The following FYN variants were observed in gnomAD, a reference collection of about 807,000 sequenced individuals.
FYN encodes the protein tyrosine-protein kinase Fyn.
Under a neutral mutation model 70.2 loss-of-function variants are expected in FYN, and 10 were observed. The ratio of observed to expected loss-of-function variants is 0.14; its 90% CI spans 0.09 to 0.24. The LOEUF is 0.24. FYN is among the 10% of genes least tolerant of loss of function. FYN has a pLI of 1.00. For missense variants in FYN, 319 were observed against 673.1 expected (o/e 0.47, Z 5.82); for synonymous variants, 236 against 248.6 (o/e 0.95, Z 0.48).
chr6:111,671,032 A>G (rs1228127070), intron 13 of FYN, among the ~76,000 whole-genome samples: 3 of 152,236 alleles, frequency 2.0e-5, no homozygotes, highest in East Asian at 3.8e-4. Context: ...GAATGCGTTC[A>G]GCTCAGGCTG....
chr6:111,673,569 G>A (rs1798393110), intron 13 of FYN, among the ~76,000 whole-genome samples: 1 of 148,862 alleles, frequency 6.7e-6, no homozygotes, highest in Non-Finnish European at 1.5e-5. Flanking sequence ...ACAAACCCAG[G>A]ATTTGCAAGA....
At chr6:111,808,296 G>A (rs1772215487) in intron 2 of FYN, among the ~76,000 whole-genome samples, 1 of 152,194 alleles carries the variant, frequency 6.6e-6, no homozygotes, top group African/African-American at 2.4e-5. Context: ...TTGCCAAGAA[G>A]TGAGCAGGGC....
intron 1 of FYN, among the ~76,000 whole-genome samples, chr6:111,860,428 C>A (rs1196858478): frequency 6.6e-6 from 1 of 152,094 alleles, no homozygotes; most frequent in Non-Finnish European, 1.5e-5. Context: ...TTCTGGATCT[C>A]AAGTGTGTGG....
At chr6:111,696,162 G>T in intron 10 of FYN, 115 bp downstream of exon 10, 1 of 892,418 alleles carries the variant, frequency 1.1e-6, no homozygotes, top group Non-Finnish European at 1.6e-6. Context: ...TTCCTAATGG[G>T]AATACTTGAC....
chr6:111,745,843 G>A (rs757322673), intron 3 of FYN, among the ~76,000 whole-genome samples: 6 of 152,162 alleles, frequency 3.9e-5, no homozygotes, highest in Non-Finnish European at 7.3e-5. Context: ...CAATACACTG[G>A]GGAGTGAATA....
At chr6:111,731,736 C>T (rs1454941668) in intron 3 of FYN, among the ~76,000 whole-genome samples, 3 of 152,066 alleles carry the variant, frequency 2.0e-5, no homozygotes, top group South Asian at 4.1e-4. Context: ...CTCAGGAGGA[C>T]GGGAACAAAA....
intron 1 of FYN, among the ~76,000 whole-genome samples, chr6:111,852,453 T>C (rs1005150978): frequency 6.6e-6 from 1 of 152,096 alleles, no homozygotes; most frequent in African/African-American, 2.4e-5. Context: ...GACAACCCTC[T>C]CAAGAAGAAC....
intron 1 of FYN, among the ~76,000 whole-genome samples, chr6:111,868,648 T>G (rs545579037): frequency 6.6e-6 from 1 of 152,290 alleles, no homozygotes; most frequent in African/African-American, 2.4e-5. Context: ...TTTAATATCA[T>G]CATTATATGT....
At chr6:111,795,105 G>A (rs1771762011) in intron 2 of FYN, among the ~76,000 whole-genome samples, 1 of 152,176 alleles carries the variant, frequency 6.6e-6, no homozygotes, top group Admixed American at 6.5e-5. Context: ...AAAATATCAA[G>A]GGAACTGTTA....
intron 4 of FYN, among the ~76,000 whole-genome samples, chr6:111,715,327 T>G (rs1800578449): frequency 6.6e-6 from 1 of 151,968 alleles, no homozygotes; most frequent in South Asian, 2.1e-4. Flanking sequence ...GTGATCCCCC[T>G]GGCTTGGCCT....
intron 2 of FYN, among the ~76,000 whole-genome samples, chr6:111,783,232 T>C (rs1771241973): frequency 1.3e-5 from 2 of 152,270 alleles, no homozygotes; most frequent in Middle Eastern, 3.4e-3. Flanking sequence ...AAGGGCATTG[T>C]GACCATTTGC....
At chr6:111,817,755 T>C (rs1020379119) in intron 2 of FYN, among the ~76,000 whole-genome samples, 6 of 152,254 alleles carry the variant, frequency 3.9e-5, no homozygotes, top group Non-Finnish European at 7.3e-5. Context: ...AGTTTAAAAG[T>C]AGACAGCTTG....
chr6:111,750,058 C>A (rs996549269), intron 3 of FYN, among the ~76,000 whole-genome samples: 4 of 152,222 alleles, frequency 2.6e-5, no homozygotes, highest in African/African-American at 9.7e-5. Context: ...CTGCTACTAA[C>A]ATATATGTCC....
At chr6:111,672,776 T>C (rs1485434162) in intron 13 of FYN, among the ~76,000 whole-genome samples, 2 of 152,202 alleles carry the variant, frequency 1.3e-5, no homozygotes, top group East Asian at 1.9e-4. Context: ...TAGAGGAAAA[T>C]GCCTGGCACA....
At chr6:111,850,565 A>C (rs1257585848) in intron 1 of FYN, among the ~76,000 whole-genome samples, 1 of 152,182 alleles carries the variant, frequency 6.6e-6, no homozygotes, top group Non-Finnish European at 1.5e-5. Context: ...GTGCTCCTTC[A>C]CTTATTCTTA....
chr6:111,828,460 T>C (rs9384811), intron 2 of FYN, among the ~76,000 whole-genome samples: 5 of 152,212 alleles, frequency 3.3e-5, no homozygotes, highest in Admixed American at 6.5e-5. Flanking sequence ...TGTACGTCCA[T>C]GTTCATAGCA....
chr6:111,858,157 A>C (rs182283062), intron 1 of FYN: 1 of 152,370 alleles, frequency 6.6e-6, no homozygotes, highest in East Asian at 1.9e-4. Flanking sequence ...CTGGGAAGGA[A>C]CACCACCTCA....
chr6:111,729,487 AGGG>A (rs143677257), intron 3 of FYN, among the ~76,000 whole-genome samples: 2 of 148,150 alleles, frequency 1.3e-5, no homozygotes, highest in African/African-American at 5.1e-5. Flanking sequence ...AAAAAAAAAA[AGGG>A]GGTCGGGGGT....
chr6:111,784,848 C>T (rs1562520065), intron 2 of FYN, among the ~76,000 whole-genome samples: 1 of 152,182 alleles, frequency 6.6e-6, no homozygotes. Flanking sequence ...GGGAAGCCAC[C>T]CATACGTATT....
Sources: allele counts gnomAD v4.1 joint callset (sites outside exome capture counted in the v4.1 genomes callset), GRCh38; gene constraint gnomAD v4.1.1; transcripts MANE v1.5; gene names NCBI Gene and HGNC (gene_info 2026-07-23, HGNC 2026-07-21).